The following TEAD1 variants were observed in gnomAD, a reference collection of about 807,000 sequenced individuals.
TEAD1 encodes TEA domain transcription factor 1.
Under a neutral mutation model 54.9 loss-of-function variants are expected in TEAD1, and 9 were observed. The ratio of observed to expected loss-of-function variants is 0.16; its 90% CI spans 0.10 to 0.29. The LOEUF (loss-of-function observed/expected upper bound fraction) is 0.29, where lower values mean the gene tolerates loss of function less well. Among genes scored for constraint, TEAD1 ranks in the 10% least tolerant of loss-of-function variants. TEAD1 has a pLI of 1.00. For synonymous variants in TEAD1, 200 were observed against 187.8 expected, an observed-to-expected ratio of 1.07 and a Z score of -0.53; for missense variants, 387 against 535.9, an observed-to-expected ratio of 0.72 and a Z score of 2.74.
chr11:12,877,088 T>G (rs992111507), intron 5 of TEAD1, among the ~76,000 whole-genome samples: 1 of 152,200 alleles, frequency 6.6e-6, no homozygotes, highest in East Asian at 1.9e-4. Flanking sequence ...AGCTTTAGGT[T>G]AGAACATTTG....
rs1186609304 is a variant in TEAD1, at chr11:12,941,925, T to A, written c.*4703T>A. On this transcript the variant is annotated 3_prime_UTR_variant, in exon 13 of 13. Coordinates refer to ENST00000527636, the MANE Select transcript of TEAD1 (RefSeq NM_021961.6). ...GCCGCCAGCCTTTTCTTACACCAAT[T>A]CCTAATGTTCATTTACGAATTGGCC... 1 of 152,526 alleles carries A rather than the reference T, an allele frequency of 6.6e-6. No homozygotes were observed. Among genetic ancestry groups the A allele is most frequent in the African/African-American group, 2.4e-5 (1 of 41,408 alleles). 9.4% of individuals were successfully genotyped at this position (152,526 alleles called of 1,614,324 possible). A position where few individuals can be genotyped will look rare whatever the true frequency, so the allele number is the denominator to read the frequency against.
chr11:12,903,573 G>A (rs1223681048), intron 10 of TEAD1, among the ~76,000 whole-genome samples: 1 of 152,176 alleles, frequency 6.6e-6, no homozygotes, highest in African/African-American at 2.4e-5. Context: ...CCAGCACTTT[G>A]GGAGGCTGAG....
intron 2 of TEAD1, among the ~76,000 whole-genome samples, chr11:12,749,614 G>A (rs1051376625): frequency 7.2e-5 from 11 of 152,210 alleles, no homozygotes; most frequent in African/African-American, 2.4e-4. Flanking sequence ...GTGAAGGCAG[G>A]AGAAGGCGCA....
chr11:12,876,444 G>T (rs1947855978), intron 5 of TEAD1, among the ~76,000 whole-genome samples: 1 of 152,244 alleles, frequency 6.6e-6, no homozygotes, highest in East Asian at 1.9e-4. Flanking sequence ...ATTTGGGCAA[G>T]CAGAAGTGCC....
chr11:12,702,656 C>T (rs901000788), intron 2 of TEAD1, among the ~76,000 whole-genome samples: 37 of 152,108 alleles, frequency 2.4e-4, no homozygotes, highest in African/African-American at 8.2e-4. Flanking sequence ...TTCCCTTTCC[C>T]TTCCATGTTC....
intron 2 of TEAD1, among the ~76,000 whole-genome samples, chr11:12,681,743 G>A (rs1224241799): frequency 6.6e-6 from 1 of 152,246 alleles, no homozygotes; most frequent in Non-Finnish European, 1.5e-5. Context: ...AAGCTAGGGC[G>A]AGGCTGTCTG....
chr11:12,874,721 C>T (rs974254395), intron 5 of TEAD1, among the ~76,000 whole-genome samples: 4 of 152,104 alleles, frequency 2.6e-5, no homozygotes, highest in Non-Finnish European at 4.4e-5. Context: ...ACCGTTTGTT[C>T]TTAGAACCCA....
At chr11:12,853,243 A>G (rs544073468) in intron 3 of TEAD1, among the ~76,000 whole-genome samples, 53 of 152,062 alleles carry the variant, frequency 3.5e-4, no homozygotes, top group African/African-American at 1.2e-3. Context: ...GGTTCAGGGA[A>G]CTGGAAGCTT....
At chr11:12,930,067 A>T (rs1948987046) in intron 11 of TEAD1, 107 bp from the exon 12 acceptor site, 3 of 1,278,468 alleles carry the variant, frequency 2.3e-6, no homozygotes, top group Non-Finnish European at 1.1e-6. Flanking sequence ...AGCATATAGA[A>T]GATGATTCAT....
At chr11:12,815,312 C>T (rs1286347065) in intron 3 of TEAD1, among the ~76,000 whole-genome samples, 1 of 152,116 alleles carries the variant, frequency 6.6e-6, no homozygotes, top group Non-Finnish European at 1.5e-5. Context: ...GATAGCTAGC[C>T]ACTGCCCTCA....
At chr11:12,828,346 A>C (rs148129058) in intron 3 of TEAD1, 4 of 152,202 alleles carry the variant, frequency 2.6e-5, no homozygotes, top group Non-Finnish European at 4.4e-5. Context: ...GTATGTTCAT[A>C]TTGTTCTTTA....
chr11:12,873,628 T>A (rs1437220549), intron 5 of TEAD1, among the ~76,000 whole-genome samples: 3 of 152,238 alleles, frequency 2.0e-5, no homozygotes, highest in Non-Finnish European at 4.4e-5. Flanking sequence ...GTCCTCTGCG[T>A]TAGCTGTTAC....
At chr11:12,846,335 C>T (rs139951720) in intron 3 of TEAD1, among the ~76,000 whole-genome samples, 1 of 150,764 alleles carries the variant, frequency 6.6e-6, no homozygotes, top group African/African-American at 2.4e-5. Flanking sequence ...TAGATTCACT[C>T]ATAGCATTTA....
At position 12,869,603 on chromosome 11, in the gene TEAD1, A is replaced by C. The variant is rs1421584910; in HGVS notation, c.330+4703A>C. Among the ~76,000 whole-genome samples the C allele has an allele frequency of 2.6e-5, 4 of 152,174 alleles. 1 individual carries two copies. Among genetic ancestry groups the C allele is most frequent in the South Asian group, 4.1e-4 (2 of 4,826 alleles). On this transcript the variant is annotated intron_variant, in intron 5 of 12. Coordinates refer to ENST00000527636, the MANE Select transcript of TEAD1 (RefSeq NM_021961.6). ...CAAAATTATGAAGTTTTTGTTGCAA[A>C]ATTTAAACAGTACAGAAAATATATT...
chr11:12,710,593 T>C (rs1158209632), intron 2 of TEAD1, among the ~76,000 whole-genome samples: 1 of 152,152 alleles, frequency 6.6e-6, no homozygotes, highest in Non-Finnish European at 1.5e-5. Flanking sequence ...GGAGCATCTT[T>C]ATTATAATTT....
rs185476698 is a variant in TEAD1, at chr11:12,759,568, T to A, written c.-54-4611T>A. Among the ~76,000 whole-genome samples, 70 of 152,260 alleles carry A rather than the reference T, an allele frequency of 4.6e-4. 2 individuals carry two copies. The highest frequency in any genetic ancestry group is 1.6e-3 in the African/African-American group (67 of 41,566). On this transcript the variant is annotated intron_variant, in intron 2 of 12. Coordinates refer to ENST00000527636, the MANE Select transcript of TEAD1 (RefSeq NM_021961.6). ...GGGGGCTACAAAGTATACATATTTT[T>A]AAAAGTATTTCCAGCTGGGCGCGGT...
intron 2 of TEAD1, among the ~76,000 whole-genome samples, chr11:12,678,140 G>A (rs1329623282): frequency 6.6e-6 from 1 of 152,194 alleles, no homozygotes; most frequent in Non-Finnish European, 1.5e-5. Context: ...TAAAACTTTA[G>A]GGTCTGTTTT....
In TEAD1 at chr11:12,674,587, G is replaced by T. The variant is rs1392399863; in HGVS notation, c.-455G>T. ...TTCCGCGCGGCGGGGCCCGGGCCCG[G>T]GGCGGCCGCGTCCAGGCACAGGCCA... is the stretch of plus-strand genomic sequence containing the variant. On this transcript the variant is annotated 5_prime_UTR_variant, in exon 1 of 13. Transcript: ENST00000527636. 1 of 150,870 alleles carries T rather than the reference G, an allele frequency of 6.6e-6. No individual in the cohort carries two copies. Among genetic ancestry groups the T allele is most frequent in the Non-Finnish European group, 1.5e-5 (1 of 67,764 alleles). 9.3% of individuals were successfully genotyped at this position (150,870 alleles called of 1,614,324 possible).
chr11:12,865,228 A>G (rs1437962407), intron 5 of TEAD1: 1 of 350,062 alleles, frequency 2.9e-6, no homozygotes, highest in African/African-American at 2.1e-5. Context: ...TCAGATGTCC[A>G]CCAAGCAGCC....
Sources: allele counts gnomAD v4.1 joint callset (sites outside exome capture counted in the v4.1 genomes callset), GRCh38; gene constraint gnomAD v4.1.1; transcripts MANE v1.5; gene names NCBI Gene and HGNC (gene_info 2026-07-23, HGNC 2026-07-21).